Variants in ULK4 observed in about 807,000 individuals in gnomAD.
ULK4 encodes the protein unc-51 like kinase 4.
Under a neutral mutation model 160.6 loss-of-function variants are expected in ULK4, and 133 were observed. The ratio of observed to expected loss-of-function variants is 0.83; its 90% CI spans 0.72 to 0.96. The LOEUF (loss-of-function observed/expected upper bound fraction) is 0.96, where lower values mean the gene tolerates loss of function less well. Among genes scored for constraint, ULK4 ranks in the 40% least tolerant of loss-of-function variants. ULK4 has a pLI of 0.00. For missense variants in ULK4, 1,580 were observed against 1,499.5 expected (o/e 1.05, Z -0.89); for synonymous variants, 534 against 539.8 (o/e 0.99, Z 0.15).
intron 29 of ULK4, among the ~76,000 whole-genome samples, chr3:41,672,244 G>T (rs2035566845): frequency 6.6e-6 from 1 of 152,078 alleles, no homozygotes; most frequent in Admixed American, 6.5e-5. Flanking sequence ...AGAAATCAAT[G>T]TATCAAAGAA....
chr3:41,342,591 C>T (rs867530968), intron 35 of ULK4, among the ~76,000 whole-genome samples: 13 of 152,108 alleles, frequency 8.5e-5, no homozygotes, highest in South Asian at 2.1e-4. Context: ...TTCTACCAGA[C>T]GTATAAGGAA....
At chr3:41,264,116 A>AC (rs1301211461) in intron 35 of ULK4, among the ~76,000 whole-genome samples, 2 of 152,218 alleles carry the variant, frequency 1.3e-5, no homozygotes, top group African/African-American at 2.4e-5. Context: ...AGCCATGAGA[A>AC]CATGTGAGGG....
At chr3:41,811,997 G>A (rs1280861071) in intron 19 of ULK4, among the ~76,000 whole-genome samples, 1 of 152,074 alleles carries the variant, frequency 6.6e-6, no homozygotes, top group Non-Finnish European at 1.5e-5. Flanking sequence ...TTAACAATGG[G>A]GAGGCCAGGC....
At chr3:41,900,979 T>C (rs1057098624) in intron 12 of ULK4, 150 bp from the exon 13 acceptor site, 5 of 532,590 alleles carry the variant, frequency 9.4e-6, no homozygotes, top group Non-Finnish European at 9.9e-6. Context: ...TGCAGTCTCA[T>C]TTGATTTTCA....
chr3:41,545,023 C>G (rs926537931), intron 32 of ULK4, among the ~76,000 whole-genome samples: 3 of 152,144 alleles, frequency 2.0e-5, no homozygotes, highest in African/African-American at 7.2e-5. Context: ...TTGTTGCAAG[C>G]CTGTGGTAAC....
rs947769445 is a variant in ULK4 at position 41,896,880 on chromosome 3, T to C, written c.1472A>G (p.Tyr491Cys). The C allele has an allele frequency of 1.1e-5, 17 of 1,613,422 alleles. No individual in the cohort carries two copies. Among genetic ancestry groups the C allele is most frequent in the Non-Finnish European group, 1.3e-5 (15 of 1,179,812 alleles). Reference sequence around the variant, plus strand: ...CTGGTGACCAGCCACCACGCACAAATAGCAAAGGAGATTCAGCTTGGCTCG... The same window carrying C: ...CTGGTGACCAGCCACCACGCACAAACAGCAAAGGAGATTCAGCTTGGCTCG... Reference protein sequence around the residue: ...ASRAKLNLLCYLCVVAGHQEV... With the variant: ...ASRAKLNLLCCLCVVAGHQEV... The change falls in exon 15 of 37, where the codon TAT becomes TGT. Residue 491 changes from tyrosine to cysteine, a missense_variant. By Grantham distance (194) the Tyr-to-Cys change is radical. Transcript: ENST00000301831.
chr3:41,627,360 A>T (rs773835240), intron 30 of ULK4, among the ~76,000 whole-genome samples: 120 of 152,126 alleles, frequency 7.9e-4, no homozygotes, highest in Non-Finnish European at 1.4e-3. Context: ...GAGCTGCCCC[A>T]TCTTAGGTTC....
chr3:41,477,312 T>C (rs962356985), intron 32 of ULK4, among the ~76,000 whole-genome samples: 2 of 152,228 alleles, frequency 1.3e-5, no homozygotes, highest in Admixed American at 6.5e-5. Flanking sequence ...TTGTTATTAG[T>C]TTTTCACAAT....
At chr3:41,665,832 A>G (rs921457293) in intron 29 of ULK4, among the ~76,000 whole-genome samples, 1 of 152,220 alleles carries the variant, frequency 6.6e-6, no homozygotes, top group African/African-American at 2.4e-5. Flanking sequence ...TATGAAATAA[A>G]AGGTTCTTGC....
intron 29 of ULK4, among the ~76,000 whole-genome samples, chr3:41,672,420 T>A (rs969525136): frequency 1.3e-5 from 2 of 151,870 alleles, no homozygotes; most frequent in Non-Finnish European, 2.9e-5. Context: ...GAAATGGAGG[T>A]CATTATATTA....
intron 34 of ULK4, among the ~76,000 whole-genome samples, chr3:41,429,802 C>T (rs1438300961): frequency 6.6e-6 from 1 of 151,962 alleles, no homozygotes. Flanking sequence ...GCTGGCTGGG[C>T]TTAATACCTA....
chr3:41,808,694 T>C (rs2040725929), intron 19 of ULK4, among the ~76,000 whole-genome samples: 1 of 152,246 alleles, frequency 6.6e-6, no homozygotes, highest in South Asian at 2.1e-4. Flanking sequence ...TAATATATTG[T>C]AGGCAGCCTT....
At chr3:41,937,268 C>T (rs887217201) in intron 3 of ULK4, 9 of 648,834 alleles carry the variant, frequency 1.4e-5, no homozygotes, top group Non-Finnish European at 2.2e-5. Context: ...AAGCAAAAAA[C>T]TAATTCCAGG....
In ULK4 at chr3:41,366,630, G is replaced by T. The variant is rs181881090; in HGVS notation, c.3678+31449C>A. Among the ~76,000 whole-genome samples, 4 of 151,722 alleles carry T rather than the reference G, an allele frequency of 2.6e-5. No homozygotes were observed. In the South Asian group the frequency reaches 8.3e-4, roughly 32 times the overall value. Reference sequence around the variant, plus strand: ...ACACACACACATACACTTATTGTGCGCAGATATACTTATATCTGTATATGT... The same window carrying T: ...ACACACACACATACACTTATTGTGCTCAGATATACTTATATCTGTATATGT... On this transcript the variant is annotated intron_variant, in intron 35 of 36. Transcript: ENST00000301831.
intron 32 of ULK4, among the ~76,000 whole-genome samples, chr3:41,527,179 C>G (rs773158231): frequency 2.0e-5 from 3 of 152,216 alleles, no homozygotes; most frequent in African/African-American, 7.2e-5. Flanking sequence ...CAGCTTTGCA[C>G]GTAGTGCCAC....
rs1559644723 is a variant in ULK4, at chr3:41,911,335, T to A, written c.1067A>T (p.Glu356Val). The change falls in exon 11 of 37, where the codon GAA (glutamate) becomes GTA (valine). Residue 356 changes from glutamate to valine, a missense_variant. By Grantham distance (121) the Glu-to-Val change is moderately radical. Coordinates refer to ENST00000301831, the MANE Select transcript of ULK4 (RefSeq NM_017886.4). ...TACCTACCTGAGAAGAAACATGGATTCATTCAATTGACCCTCAAGAGTACT... is the reference window on the plus strand; with the variant it reads ...TACCTACCTGAGAAGAAACATGGATACATTCAATTGACCCTCAAGAGTACT... ...PKSTLEGQLNESMFLLSSRPT... is the reference protein window; with the variant it reads ...PKSTLEGQLNVSMFLLSSRPT... 1.2e-6 allele frequency: 2 copies of A among 1,614,080 alleles called. No homozygotes were observed. Among genetic ancestry groups the A allele is most frequent in the Non-Finnish European group, 8.5e-7 (1 of 1,180,010 alleles).
intron 17 of ULK4, among the ~76,000 whole-genome samples, chr3:41,864,070 CAA>C (rs1575849180): frequency 6.6e-6 from 1 of 152,106 alleles, no homozygotes; most frequent in African/African-American, 2.4e-5. Flanking sequence ...GTCTTGTACA[CAA>C]AGAGTGCTGC....
chr3:41,251,288 G>A (rs1205106939), intron 35 of ULK4, among the ~76,000 whole-genome samples: 1 of 152,204 alleles, frequency 6.6e-6, no homozygotes, highest in Admixed American at 6.5e-5. Flanking sequence ...AACATCAGCT[G>A]TTGTTCTGTA....
intron 31 of ULK4, among the ~76,000 whole-genome samples, chr3:41,572,111 G>C (rs562932225): frequency 1.3e-5 from 2 of 152,350 alleles, no homozygotes; most frequent in African/African-American, 4.8e-5. Flanking sequence ...ATTGAGGTTA[G>C]TGAAGTCAAG....
Sources: gnomAD v4.1 joint callset for allele counts (sites outside exome capture counted in the v4.1 genomes callset) on GRCh38, gnomAD v4.1.1 for gene constraint, MANE v1.5 for transcripts, NCBI Gene and HGNC (gene_info 2026-07-23, HGNC 2026-07-21) for gene names.